Variants in SLC25A17 observed in about 807,000 individuals in gnomAD.
SLC25A17 encodes the protein solute carrier family 25 member 17.
SLC25A17 carries 26 observed loss-of-function variants against 38.5 expected under a neutral mutation model. The observed-to-expected ratio is 0.68, with a 90% confidence interval of 0.50 to 0.94. SLC25A17 has a LOEUF of 0.94. SLC25A17 is among the 40% of genes least tolerant of loss of function. SLC25A17 has a pLI of 0.00. For missense variants in SLC25A17, 333 were observed against 372.7 expected, an observed-to-expected ratio of 0.89 and a Z score of 0.88; for synonymous variants, 139 against 136.2, an observed-to-expected ratio of 1.02 and a Z score of -0.14.
At chr22:40,785,588 A>C (rs1414171030) in intron 4 of SLC25A17, among the ~76,000 whole-genome samples, 5 of 152,174 alleles carry the variant, frequency 3.3e-5, no homozygotes, top group Admixed American at 3.3e-4. Context: ...GTAAGTAAAG[A>C]GAATAGGATG....
chr22:40,772,422 A>T (rs1194157853), intron 8 of SLC25A17, among the ~76,000 whole-genome samples: 14 of 152,134 alleles, frequency 9.2e-5, no homozygotes, highest in African/African-American at 3.4e-4. Context: ...CTTCCACCTC[A>T]GCCTCCTGGG....
intron 1 of SLC25A17, among the ~76,000 whole-genome samples, chr22:40,806,184 G>A (rs142574258): frequency 1.9e-4 from 29 of 152,298 alleles, no homozygotes; most frequent in Middle Eastern, 6.8e-3. Context: ...GATAGGCAGA[G>A]GCAGGGGGAA....
At chr22:40,799,283 A>G (rs775804008) in intron 1 of SLC25A17, among the ~76,000 whole-genome samples, 200 bp from the exon 2 acceptor site, 7 of 151,728 alleles carry the variant, frequency 4.6e-5, no homozygotes, top group African/African-American at 1.5e-4. Flanking sequence ...CTCCAGGTGT[A>G]TATCACCATG....
intron 1 of SLC25A17, among the ~76,000 whole-genome samples, chr22:40,802,930 T>C (rs912059215): frequency 7.9e-5 from 12 of 152,204 alleles, no homozygotes; most frequent in Non-Finnish European, 1.2e-4. Flanking sequence ...GGGTGCAGTG[T>C]AGTGTTTCAA....
intron 1 of SLC25A17, among the ~76,000 whole-genome samples, chr22:40,800,274 A>C (rs985137038): frequency 5.3e-5 from 8 of 152,242 alleles, no homozygotes; most frequent in African/African-American, 1.9e-4. Flanking sequence ...AACTATATAC[A>C]TGAAACTTCC....
chr22:40,807,819 A>C (rs1295903321), intron 1 of SLC25A17, among the ~76,000 whole-genome samples: 1 of 152,172 alleles, frequency 6.6e-6, no homozygotes, highest in East Asian at 1.9e-4. Flanking sequence ...TCTATACCTC[A>C]GGGACTTGCT....
rs35942508 is a variant in SLC25A17, at chr22:40,819,204, G to C, written c.45C>G (p.Ala15=). ...LSYESLVHAV[A]GAVGSVTAMT... The stretch of plus-strand genomic sequence containing the variant: ...AAAGACCCCGTCTCACCACGGCTCC[G>C]GCCACGGCGTGGACCAGGCTTTCGT... Residue 15 remains alanine (A), a synonymous_variant, in exon 1 of 9, where the codon GCC becomes GCG. Coordinates refer to ENST00000435456, the MANE Select transcript of SLC25A17 (RefSeq NM_006358.4). 5 of 1,613,562 alleles carry C rather than the reference G, an allele frequency of 3.1e-6. No homozygotes were observed. The highest frequency in any genetic ancestry group is 4.2e-6 in the Non-Finnish European group (5 of 1,179,996).
At chr22:40,784,277 T>C (rs73887873) in intron 4 of SLC25A17, among the ~76,000 whole-genome samples, 3,027 of 152,140 alleles carry the variant, frequency 0.02, 101 homozygotes, top group African/African-American at 0.07. Flanking sequence ...GGGTATATAC[T>C]TTTTCTTTAT....
Position 40,797,008 on chromosome 22 carries a change from A to C in SLC25A17, c.115+2015T>G, listed in dbSNP as rs1258111887. Among the ~76,000 whole-genome samples the C allele has an allele frequency of 1.1e-4, 16 of 152,222 alleles. 1 individual carries two copies. The highest frequency in any genetic ancestry group is 9.8e-4 in the Admixed American group (15 of 15,282). ...AAAGGGAGAGAAAAAAAAGTAAAAA[A>C]GGGAGAAAATTAAGACTATATATTC... is the stretch of plus-strand genomic sequence containing the variant. On this transcript the variant is annotated intron_variant, in intron 2 of 8. Transcript: ENST00000435456.
Position 40,792,115 on chromosome 22 carries a change from T to C in SLC25A17, c.334+410A>G, listed in dbSNP as rs544133612. On this transcript the variant is annotated intron_variant, in intron 4 of 8. Transcript: ENST00000435456. Reference sequence around the variant, plus strand: ...TGGATGAAAGTAGAAGACATTATACTAAGTGAAGTAAGCCAGTCACAAAAA... The same window carrying C: ...TGGATGAAAGTAGAAGACATTATACCAAGTGAAGTAAGCCAGTCACAAAAA... Among the ~76,000 whole-genome samples the C allele has an allele frequency of 3.9e-5, 6 of 152,288 alleles. No homozygotes were observed. The East Asian group carries it at 1.2e-3, about 29-fold the overall frequency.
chr22:40,807,594 A>G (rs1234009609), intron 1 of SLC25A17, among the ~76,000 whole-genome samples: 1 of 152,046 alleles, frequency 6.6e-6, no homozygotes, highest in Non-Finnish European at 1.5e-5. Context: ...CTAAAAATAC[A>G]AAAAATTAGC....
At chr22:40,790,340 C>CAAAAAAAAAAAAA (rs138301) in intron 4 of SLC25A17, among the ~76,000 whole-genome samples, 1 of 61,208 alleles carries the variant, frequency 1.6e-5, no homozygotes. Flanking sequence ...GACACAATCT[C>CAAAAAAAAAAAAA]AAAAAAAAAA....
chr22:40,783,712 T>C lies in SLC25A17; in HGVS notation c.335-4587A>G, dbSNP rs571344242. On this transcript the variant is annotated intron_variant, in intron 4 of 8. Coordinates refer to ENST00000435456, the MANE Select transcript of SLC25A17 (RefSeq NM_006358.4). ...ATACTATCTAAAATGGTACCTCTTTTTTTCTTTTTTGGAGATGGAGTCTCG... is the reference window on the plus strand; with the variant it reads ...ATACTATCTAAAATGGTACCTCTTTCTTTCTTTTTTGGAGATGGAGTCTCG... Among the ~76,000 whole-genome samples, 414 of 152,046 alleles carry C rather than the reference T, an allele frequency of 2.7e-3. 2 individuals are homozygous for C. Among genetic ancestry groups the C allele is most frequent in the African/African-American group, 9.5e-3 (395 of 41,466 alleles).
In SLC25A17 at chr22:40,773,955, A is replaced by T. The variant is rs1602585269; in HGVS notation, c.758T>A (p.Leu253His). ...TLGSLRNILY[L>H]LHQRVRRFGI... Reference sequence around the variant, plus strand: ...AGCTCACCTTACTCGTTGGTGAAGAAGATAGAGAATATTCCGAAGACTTCC... The same window carrying T: ...AGCTCACCTTACTCGTTGGTGAAGATGATAGAGAATATTCCGAAGACTTCC... Residue 253 changes from leucine to histidine, a missense_variant, in exon 8 of 9, where the codon CTT becomes CAT. Leu to His is a moderately conservative substitution (Grantham distance 99). Transcript: ENST00000435456. 6.2e-7 allele frequency: 1 copy of T among 1,610,540 alleles called. No individual in the cohort carries two copies. The highest frequency in any genetic ancestry group is 2.2e-5 in the East Asian group (1 of 44,866).
chr22:40,776,311 G>A (rs1246177025), intron 7 of SLC25A17: 1 of 468,112 alleles, frequency 2.1e-6, no homozygotes. Context: ...ATAAATAACT[G>A]AATGAAATAA....
rs918059010 is a variant in SLC25A17, at chr22:40,794,342, C to A, written c.182+172G>T. Among the ~76,000 whole-genome samples the A allele has an allele frequency of 9.2e-5, 14 of 152,206 alleles. No homozygotes were observed. In the East Asian group the frequency reaches 2.5e-3, roughly 27 times the overall value. On this transcript the variant is annotated intron_variant, in intron 3 of 8. Transcript: ENST00000435456. ...AATAAATAAAAAGAATCAAATGCCT[C>A]ACTACAGATCTTTAAGAAACTGAAA...
chr22:40,778,725 T>A (rs909926111), intron 5 of SLC25A17, among the ~76,000 whole-genome samples: 14 of 152,200 alleles, frequency 9.2e-5, no homozygotes, highest in South Asian at 2.1e-4. Context: ...AATAGACAAA[T>A]GGGATCTAAT....
intron 2 of SLC25A17, chr22:40,797,121 A>G (rs1033141741): frequency 2.6e-6 from 1 of 377,620 alleles, no homozygotes; most frequent in Non-Finnish European, 5.3e-6. Context: ...GGAAAGGGAG[A>G]CAGGGCAGAC....
At chr22:40,779,395 A>G (rs766045362) in intron 4 of SLC25A17, 4 of 775,400 alleles carry the variant, frequency 5.2e-6, no homozygotes, top group Non-Finnish European at 7.9e-6. Context: ...CAGGCAATCT[A>G]TTTGTCAATT....
Sources: allele counts gnomAD v4.1 joint callset (sites outside exome capture counted in the v4.1 genomes callset), GRCh38; gene constraint gnomAD v4.1.1; transcripts MANE v1.5; gene names NCBI Gene and HGNC (gene_info 2026-07-23, HGNC 2026-07-21).